The following GALNS variants were observed in gnomAD, a reference collection of about 807,000 sequenced individuals.
GALNS encodes galactosamine (N-acetyl)-6-sulfatase, also known as N-acetylgalactosamine-6-sulfatase.
GALNS carries 65 observed loss-of-function variants against 65.9 expected under a neutral mutation model. The observed-to-expected ratio is 0.99, with a 90% CI of 0.81 to 1.21. GALNS has a LOEUF of 1.21. Among genes scored for constraint, GALNS ranks in the 50% most tolerant of loss-of-function variants. GALNS has a pLI of 0.00. For synonymous variants in GALNS, 346 were observed against 288.9 expected, an observed-to-expected ratio of 1.20 and a Z score of -2.00; for missense variants, 776 against 700.7, an observed-to-expected ratio of 1.11 and a Z score of -1.21.
intron 10 of GALNS, among the ~76,000 whole-genome samples, 155 bp downstream of exon 10, chr16:88,826,547 C>T (rs1026380866): frequency 3.3e-5 from 5 of 152,172 alleles, no homozygotes; most frequent in East Asian, 1.9e-4. Flanking sequence ...CAGGTCCTCT[C>T]GTCTCAGGCA....
At chr16:88,817,257 C>T (rs997551775) in intron 13 of GALNS, 89 of 966,850 alleles carry the variant, frequency 9.2e-5, no homozygotes, top group East Asian at 1.2e-4. Context: ...AAGACGACGA[C>T]GCATCCTTTG....
intron 6 of GALNS, 125 bp from the exon 7 acceptor site, chr16:88,835,974 G>C: frequency 6.9e-7 from 1 of 1,459,360 alleles, no homozygotes; most frequent in Non-Finnish European, 9.4e-7. Flanking sequence ...CGCGTCCCAC[G>C]GGGCAAGGTT....
chr16:88,842,638 G>A (rs986024399), intron 2 of GALNS, 68 bp downstream of exon 2: 15 of 1,583,434 alleles, frequency 9.5e-6, no homozygotes, highest in Middle Eastern at 1.7e-4. Context: ...GTCAGGGCTG[G>A]AAGGACCCGG....
At position 88,818,079 on chromosome 16, in the gene GALNS, C is replaced by A. The variant is rs763263800; in HGVS notation, c.1410G>T (p.Ser470=). 5.7e-6 allele frequency: 9 copies of A among 1,574,016 alleles called. No homozygotes were observed. Among genetic ancestry groups the A allele is most frequent in the South Asian group, 1.2e-5 (1 of 86,386 alleles). Residue 470 remains serine, a synonymous_variant, in exon 13 of 14, where the codon TCG becomes TCT. Coordinates refer to ENST00000268695, the MANE Select transcript of GALNS (RefSeq NM_000512.5). ...EYQEALSRIT[S]VVQQHQEALV... Reference sequence around the variant, plus strand: ...AGGCCTCCTGGTGCTGCTGGACGACCGAGGTGATCCTGCTGAGGGCCTCCT... The same window carrying A: ...AGGCCTCCTGGTGCTGCTGGACGACAGAGGTGATCCTGCTGAGGGCCTCCT...
At chr16:88,834,524 T>C (rs55779748) in intron 8 of GALNS, among the ~76,000 whole-genome samples, 46 of 128,254 alleles carry the variant, frequency 3.6e-4, no homozygotes, top group African/African-American at 1.3e-3. Flanking sequence ...GAAGAGGCTG[T>C]AGGGCTCTCC....
chr16:88,819,224 C>T (rs1909952407), intron 12 of GALNS, among the ~76,000 whole-genome samples: 1 of 148,020 alleles, frequency 6.8e-6, no homozygotes, highest in Middle Eastern at 3.4e-3. Context: ...TCTTTCTGCT[C>T]GATCCACCCA....
At chr16:88,821,742 C>A (rs910623185) in intron 12 of GALNS, among the ~76,000 whole-genome samples, 1 of 152,194 alleles carries the variant, frequency 6.6e-6, no homozygotes, top group African/African-American at 2.4e-5. Flanking sequence ...CCAGGCCCAT[C>A]GGGGAGCATA....
intron 1 of GALNS, chr16:88,855,704 GTCT>G (rs1210681056): frequency 1.5e-5 from 9 of 588,982 alleles, no homozygotes; most frequent in Non-Finnish European, 2.7e-5. Flanking sequence ...CTTTCACCAA[GTCT>G]TCTAAATCTG....
In GALNS at chr16:88,840,719, T is replaced by C. The variant is rs75750032; in HGVS notation, c.422+273A>G. 7.1e-3 allele frequency: 3,499 copies of C among 494,398 alleles called. 105 individuals are homozygous for C. The highest frequency in any genetic ancestry group is 0.059 in the African/African-American group (3,042 of 51,358). The allele number at this position is 494,398 out of a possible 1,614,324, so 30.6% of individuals were successfully genotyped here. A position where few individuals can be genotyped will look rare whatever the true frequency, so the allele number is the denominator to read the frequency against. ...GGCAGTGGTGGCGGGTGCTAGGGGC[T>C]GTGACTCGAGGGATGACGGTGACAG... On this transcript the variant is annotated intron_variant, in intron 4 of 13. Transcript: ENST00000268695.
chr16:88,846,303 C>T (rs1414531184), intron 1 of GALNS, among the ~76,000 whole-genome samples: 1 of 152,092 alleles, frequency 6.6e-6, no homozygotes, highest in African/African-American at 2.4e-5. Context: ...CCACACACTG[C>T]AGTCCTTATA....
At chr16:88,832,914 T>C (rs66937515) in intron 8 of GALNS, among the ~76,000 whole-genome samples, 44,719 of 151,390 alleles carry the variant, frequency 0.3, 7,063 homozygotes, top group East Asian at 0.59. Context: ...ACCCCATCTC[T>C]ACAAAAATAC....
intron 12 of GALNS, among the ~76,000 whole-genome samples, chr16:88,818,751 A>G (rs1171683665): frequency 6.6e-6 from 1 of 152,242 alleles, no homozygotes; most frequent in Non-Finnish European, 1.5e-5. Flanking sequence ...TGCACAGATG[A>G]TGCCTTTTCA....
intron 13 of GALNS, chr16:88,817,052 C>T (rs992623588): frequency 1.8e-5 from 18 of 985,338 alleles, no homozygotes; most frequent in African/African-American, 1.4e-4. Flanking sequence ...GAGGGCCGCA[C>T]GTGTCCCATC....
Position 88,837,646 on chromosome 16 carries a change from T to A in GALNS, c.542A>T (p.Tyr181Phe). 1 of 1,613,676 alleles carries A rather than the reference T, an allele frequency of 6.2e-7. No individual in the cohort carries two copies. Among genetic ancestry groups the A allele is most frequent in the South Asian group, 1.1e-5 (1 of 91,060 alleles). The change falls in exon 5 of 14, where the codon TAC becomes TTC. Residue 181 changes from tyrosine to phenylalanine, a missense_variant. Physicochemically the swap from Tyr to Phe is conservative, Grantham distance 22 (BLOSUM62 3). Transcript: ENST00000268695. ...DNKARPNIPV[Y>F]RDWEMVGRYY... The stretch of plus-strand genomic sequence containing the variant: ...CCTGCCAACCATCTCCCAGTCCCTG[T>A]ACACAGGGATGTTGGGCCTGGCCTT...
chr16:88,856,381 T>C (rs760949088), intron 1 of GALNS: 4 of 701,568 alleles, frequency 5.7e-6, no homozygotes, highest in East Asian at 5.4e-5. Context: ...CGCGCCCACC[T>C]TTCCCAAGAG....
chr16:88,840,823 C>T (rs1046592421), intron 4 of GALNS, 169 bp downstream of exon 4: 20 of 667,104 alleles, frequency 3.0e-5, no homozygotes, highest in Admixed American at 2.6e-4. Flanking sequence ...GGCAAGGTCA[C>T]GCTGGCCTGC....
intron 5 of GALNS, 66 bp downstream of exon 5, chr16:88,837,556 C>CG (rs910160664): frequency 3.9e-6 from 6 of 1,525,808 alleles, no homozygotes; most frequent in Non-Finnish European, 2.7e-6. Context: ...GTGCTAGAGG[C>CG]GGGGGGCAGG....
At chr16:88,827,606 C>T (rs1345905120) in intron 9 of GALNS, among the ~76,000 whole-genome samples, 2 of 152,102 alleles carry the variant, frequency 1.3e-5, no homozygotes, top group Non-Finnish European at 1.5e-5. Context: ...GTCACTACGC[C>T]CGGCTAATTT....
At chr16:88,855,398 A>G in intron 1 of GALNS, 1 of 702,750 alleles carries the variant, frequency 1.4e-6, no homozygotes. Flanking sequence ...CAAAAGTGAA[A>G]GGATGAAATT....
Sources: gnomAD v4.1 joint callset for allele counts (sites outside exome capture counted in the v4.1 genomes callset) on GRCh38, gnomAD v4.1.1 for gene constraint, MANE v1.5 for transcripts, NCBI Gene and HGNC (gene_info 2026-07-23, HGNC 2026-07-21) for gene names.